Variants in ACACA observed in about 807,000 individuals in gnomAD.
The protein encoded by ACACA is acetyl-CoA carboxylase alpha.
In ACACA, 103 loss-of-function variants were observed where a neutral mutation model predicts 296.1. The ratio of observed to expected loss-of-function variants is 0.35; its 90% CI spans 0.30 to 0.41. ACACA has a LOEUF of 0.41. ACACA is among the 10% of genes least tolerant of loss of function. The probability of loss-of-function intolerance (pLI) is 1.00; values close to 1 mark genes in which losing one functional copy is unlikely to be tolerated. For missense variants in ACACA, 1,554 were observed against 2,989.7 expected (o/e 0.52, Z 11.20); for synonymous variants, 953 against 1,038.6 (o/e 0.92, Z 1.58).
chr17:37,212,427 T>C (rs1308347694), intron 29 of ACACA, among the ~76,000 whole-genome samples: 1 of 152,052 alleles, frequency 6.6e-6, no homozygotes, highest in East Asian at 1.9e-4. Context: ...ATCTACACAG[T>C]ATGGGTCAAA....
At chr17:37,130,834 C>T (rs1398709519) in intron 45 of ACACA, among the ~76,000 whole-genome samples, 1 of 152,048 alleles carries the variant, frequency 6.6e-6, no homozygotes, top group Non-Finnish European at 1.5e-5. Context: ...AGTGACAAGT[C>T]TCAGTTAAAG....
intron 3 of ACACA, among the ~76,000 whole-genome samples, chr17:37,305,050 C>G (rs1303706120): frequency 6.6e-6 from 1 of 152,186 alleles, no homozygotes; most frequent in Non-Finnish European, 1.5e-5. Context: ...AATCCAGTAT[C>G]TAGGGACACT....
At position 37,274,291 on chromosome 17, in the gene ACACA, C is replaced by T. The variant is rs2082185779; in HGVS notation, c.910G>A (p.Val304Met). The T allele has an allele frequency of 6.2e-7, 1 of 1,613,820 alleles. No individual in the cohort carries two copies. The highest frequency in any genetic ancestry group is 2.2e-5 in the East Asian group (1 of 44,872). Residue 304 changes from valine to methionine, a missense_variant, in exon 9 of 56, where the codon GTG (valine) becomes ATG (methionine). This residue lies in a region of ACACA where 47 missense variants were observed against 55.4 expected (regional missense o/e 0.85). Transcript: ENST00000616317. ...GAAAAATCATTTTCCTGCCAGTCCA[C>T]ACGAAGACCTGCAACAGACAATAGC... ...TLPWSGSGLR[V>M]DWQENDFSKR...
At chr17:37,104,129 T>A (rs186735581) in intron 52 of ACACA, among the ~76,000 whole-genome samples, 2 of 152,226 alleles carry the variant, frequency 1.3e-5, no homozygotes, top group East Asian at 3.9e-4. Flanking sequence ...GGAAAAGAAA[T>A]TGTAAAAAAA....
chr17:37,159,196 A>G, intron 42 of ACACA, among the ~76,000 whole-genome samples: 1 of 151,998 alleles, frequency 6.6e-6, no homozygotes, highest in Middle Eastern at 3.4e-3. Flanking sequence ...AAAAGAGATA[A>G]AATTAATATA....
intron 1 of ACACA, chr17:37,379,387 G>T (rs2050145922): frequency 6.2e-7 from 1 of 1,612,100 alleles, no homozygotes; most frequent in Admixed American, 1.7e-5. Flanking sequence ...GCAAAGGTGA[G>T]ATTGGAAAAG....
At chr17:37,111,375 C>CT (rs1463170410) in intron 52 of ACACA, among the ~76,000 whole-genome samples, 156 bp downstream of exon 52, 1 of 152,128 alleles carries the variant, frequency 6.6e-6, no homozygotes, top group African/African-American at 2.4e-5. Context: ...CACACTATTT[C>CT]ATTCTACCAG....
rs1057349 is a variant in ACACA, at chr17:37,087,337, T to C, written c.7131A>G (p.Thr2377=). The part of the protein sequence containing the change: ...QRAEVIRILS[T]MDSPST ...CTTCCTACGTGGAAGGGGAATCCAT[T>C]GTGGAGAGGATCCGTATGACTTCTG... Residue 2377 remains threonine (T), a synonymous_variant, in exon 56 of 56, where the codon ACA becomes ACG. Coordinates refer to ENST00000616317, the MANE Select transcript of ACACA (RefSeq NM_198834.3). 7 of 1,614,062 alleles carry C rather than the reference T, an allele frequency of 4.3e-6. No individual in the cohort carries two copies. Among genetic ancestry groups the C allele is most frequent in the East Asian group, 2.2e-5 (1 of 44,870 alleles).
intron 49 of ACACA, among the ~76,000 whole-genome samples, chr17:37,121,752 T>C (rs2074537596): frequency 6.6e-6 from 1 of 152,158 alleles, no homozygotes; most frequent in Non-Finnish European, 1.5e-5. Context: ...TAAGAACCCT[T>C]GTTCTAGGTT....
intron 41 of ACACA, chr17:37,162,688 C>A (rs72826172): frequency 0.023 from 6,359 of 282,550 alleles, 95 homozygotes; most frequent in Non-Finnish European, 0.032. Context: ...ATGCCACATG[C>A]TGCCCTTCTA....
intron 1 of ACACA, among the ~76,000 whole-genome samples, chr17:37,373,457 A>T (rs1229461424): frequency 6.6e-6 from 1 of 151,734 alleles, no homozygotes; most frequent in Non-Finnish European, 1.5e-5. Flanking sequence ...TTGTTAGTCA[A>T]GCTGGTCTTG....
intron 1 of ACACA, among the ~76,000 whole-genome samples, chr17:37,364,469 C>T (rs1459285212): frequency 6.6e-6 from 1 of 151,708 alleles, no homozygotes; most frequent in Non-Finnish European, 1.5e-5. Flanking sequence ...TGGCGGGCAC[C>T]TATAATCCCA....
intron 25 of ACACA, among the ~76,000 whole-genome samples, chr17:37,232,312 T>C (rs2079899038): frequency 6.6e-6 from 1 of 152,076 alleles, no homozygotes; most frequent in Non-Finnish European, 1.5e-5. Context: ...CACATAACCA[T>C]CAATCAGGAA....
At chr17:37,330,781 T>C (rs2047839246) in intron 2 of ACACA, among the ~76,000 whole-genome samples, 1 of 152,184 alleles carries the variant, frequency 6.6e-6, no homozygotes, top group Non-Finnish European at 1.5e-5. Context: ...ATATTGATAT[T>C]TTGGTTGTTA....
intron 52 of ACACA, among the ~76,000 whole-genome samples, chr17:37,107,127 A>C (rs1489237647): frequency 2.0e-5 from 3 of 152,222 alleles, no homozygotes; most frequent in African/African-American, 7.2e-5. Flanking sequence ...CACAGTGGCC[A>C]TAGTGTCAGT....
chr17:37,208,743 T>C (rs577495773), intron 30 of ACACA, among the ~76,000 whole-genome samples: 1 of 152,210 alleles, frequency 6.6e-6, no homozygotes, highest in Non-Finnish European at 1.5e-5. Context: ...TGTAAAGTGT[T>C]TCTGAATGCT....
chr17:37,176,257 A>G (rs2077111069), intron 41 of ACACA, among the ~76,000 whole-genome samples: 1 of 152,202 alleles, frequency 6.6e-6, no homozygotes, highest in African/African-American at 2.4e-5. Flanking sequence ...TCAAACTCAG[A>G]AACTCCAATC....
chr17:37,280,818 T>C (rs149872586), intron 5 of ACACA, among the ~76,000 whole-genome samples: 5 of 150,712 alleles, frequency 3.3e-5, no homozygotes, highest in East Asian at 4.0e-4. Flanking sequence ...CACACACACA[T>C]ACTCTCCTTA....
chr17:37,143,459 T>A (rs138897124), intron 45 of ACACA: 6,747 of 252,332 alleles, frequency 0.027, 137 homozygotes, highest in Non-Finnish European at 0.037. Context: ...ACAACCCCCA[T>A]CCTGTACCAG....
Sources: allele counts gnomAD v4.1 joint callset (sites outside exome capture counted in the v4.1 genomes callset), GRCh38; gene constraint gnomAD v4.1.1; regional missense constraint gnomAD v4.1.1; transcripts MANE v1.5; gene names NCBI Gene and HGNC (gene_info 2026-07-23, HGNC 2026-07-21).